The following MYO6 variants were observed in gnomAD, a reference collection of about 807,000 sequenced individuals.
MYO6 encodes the protein myosin VI, also known as unconventional myosin-VI.
A neutral mutation model predicts 178.7 loss-of-function variants in MYO6; 74 were observed. That is an observed-to-expected ratio of 0.41 (90% CI 0.34 to 0.50). The LOEUF (loss-of-function observed/expected upper bound fraction) is 0.50, where lower values mean the gene tolerates loss of function less well. MYO6 is among the 20% of genes least tolerant of loss of function. The pLI, the probability that MYO6 is intolerant of heterozygous loss-of-function variation, is 0.09. For missense variants in MYO6, 1,330 were observed against 1,547.4 expected (o/e 0.86, Z 2.36); for synonymous variants, 477 against 504.6 (o/e 0.95, Z 0.73).
At position 75,822,536 on chromosome 6, in the gene MYO6, C is replaced by CCTAGGATA. The variant is rs1380868605; in HGVS notation, c.118-243_118-236dup. 2.6e-5 allele frequency among the ~76,000 whole-genome samples: 4 copies of CCTAGGATA among 151,826 alleles called. No homozygotes were observed. The East Asian group carries it at 7.7e-4, about 29-fold the overall frequency. ...TTTTGTCCTTCTTTAGGTGTTGGAG[C>CCTAGGATA]CTAGGATACTTACTTACTGATTTTT... is the stretch of plus-strand genomic sequence containing the variant. On this transcript the variant is annotated intron_variant, in intron 2 of 34. Coordinates refer to ENST00000369977, the MANE Select transcript of MYO6 (RefSeq NM_004999.4).
intron 2 of MYO6, among the ~76,000 whole-genome samples, chr6:75,819,763 G>T (rs917687128): frequency 2.0e-5 from 3 of 152,202 alleles, no homozygotes; most frequent in African/African-American, 7.2e-5. Context: ...TTTTAAAAAT[G>T]CTGTTTTAGG....
chr6:75,788,190 C>T (rs746504631), intron 1 of MYO6, among the ~76,000 whole-genome samples: 4 of 152,000 alleles, frequency 2.6e-5, no homozygotes, highest in Non-Finnish European at 4.4e-5. Context: ...CCAGCCTGGG[C>T]AACATGGTGA....
chr6:75,836,037 C>G (rs575165491), intron 7 of MYO6, 81 bp downstream of exon 7: 2 of 933,808 alleles, frequency 2.1e-6, no homozygotes, highest in African/African-American at 3.2e-5. Flanking sequence ...ATGTTCTTCT[C>G]TCAGAGATGC....
intron 1 of MYO6, among the ~76,000 whole-genome samples, chr6:75,816,669 G>C (rs921871986): frequency 6.6e-6 from 1 of 152,212 alleles, no homozygotes; most frequent in African/African-American, 2.4e-5. Context: ...AGCTTCGGGA[G>C]CACATCAGTC....
intron 4 of MYO6, 103 bp from the exon 5 acceptor site, chr6:75,830,313 A>T: frequency 9.3e-7 from 1 of 1,070,792 alleles, no homozygotes; most frequent in Non-Finnish European, 1.4e-6. Context: ...TTAGTTATAT[A>T]GATAATTGAA....
At chr6:75,910,026 G>A (rs1780641392) in intron 32 of MYO6, among the ~76,000 whole-genome samples, 1 of 152,152 alleles carries the variant, frequency 6.6e-6, no homozygotes, top group Non-Finnish European at 1.5e-5. Context: ...CAGAATACAG[G>A]ACTATGCAAG....
At chr6:75,836,942 C>G (rs550711276) in intron 7 of MYO6, among the ~76,000 whole-genome samples, 5 of 152,252 alleles carry the variant, frequency 3.3e-5, no homozygotes, top group East Asian at 3.9e-4. Flanking sequence ...AACATCATGC[C>G]CTAGATTCAT....
At chr6:75,873,323 T>G in intron 20 of MYO6, 23 bp downstream of exon 20, 1 of 1,528,538 alleles carries the variant, frequency 6.5e-7, no homozygotes, top group Non-Finnish European at 9.1e-7. Context: ...TCTCTGTCAG[T>G]GTGTGTTAGT....
intron 10 of MYO6, among the ~76,000 whole-genome samples, chr6:75,845,715 T>C (rs1486318733): frequency 6.6e-6 from 1 of 151,332 alleles, no homozygotes; most frequent in African/African-American, 2.4e-5. Flanking sequence ...TCAGGTGGAG[T>C]GGGTCACGCT....
rs151305739 is a variant in MYO6, at chr6:75,851,005, C to T, written c.1078+2474C>T. ...GTTTTGAAAATGTAATGAATGTTAG[C>T]ATACATTTCATTTGCTCTCTAGCAT... On this transcript the variant is annotated intron_variant, in intron 11 of 34. Coordinates refer to ENST00000369977, the MANE Select transcript of MYO6 (RefSeq NM_004999.4). Among the ~76,000 whole-genome samples the T allele has an allele frequency of 2.2e-4, 34 of 151,888 alleles. No homozygotes were observed. The East Asian group carries it at 5.2e-3, about 23-fold the overall frequency.
At chr6:75,808,422 T>G (rs1243948299) in intron 1 of MYO6, among the ~76,000 whole-genome samples, 2 of 152,160 alleles carry the variant, frequency 1.3e-5, no homozygotes, top group African/African-American at 4.8e-5. Context: ...CCTATCTGAT[T>G]AGAACCCTAC....
intron 1 of MYO6, among the ~76,000 whole-genome samples, chr6:75,757,373 GTA>G (rs1006936606): frequency 3.4e-5 from 5 of 146,722 alleles, no homozygotes; most frequent in Admixed American, 6.8e-5. Context: ...GTGTGTGTGT[GTA>G]TATATATGTA....
At chr6:75,792,068 G>A (rs1768308607) in intron 1 of MYO6, among the ~76,000 whole-genome samples, 1 of 152,184 alleles carries the variant, frequency 6.6e-6, no homozygotes, top group Admixed American at 6.5e-5. Context: ...CTATGGATGA[G>A]TCACTTAAAT....
rs934450628 is a variant in MYO6 at position 75,901,453 on chromosome 6, TG to T, written c.3176+3044del. ...GAGGTCCTTCACATCCCTTGTAAGT[TG>T]GATTCCTAGGTATTTTATTCTCTTT... On this transcript the variant is annotated intron_variant, in intron 30 of 34. Coordinates refer to ENST00000369977, the MANE Select transcript of MYO6 (RefSeq NM_004999.4). Among the ~76,000 whole-genome samples the T allele has an allele frequency of 2.5e-4, 38 of 152,310 alleles. No homozygotes were observed. The Middle Eastern group carries it at 0.01, about 41-fold the overall frequency.
Position 75,828,054 on chromosome 6 carries a change from C to CA in MYO6, c.188-485dup, listed in dbSNP as rs538189766. 8.7e-3 allele frequency among the ~76,000 whole-genome samples: 1,326 copies of CA among 152,290 alleles called. 10 individuals carry two copies. Among genetic ancestry groups the CA allele is most frequent in the Non-Finnish European group, 0.012 (824 of 68,012 alleles). ...GCTTCATATTCTCAGTTAAGACATACATAATTTCTCTAGGAGTCTTCATTA... is the reference window on the plus strand; with the variant it reads ...GCTTCATATTCTCAGTTAAGACATACAATAATTTCTCTAGGAGTCTTCATTA... On this transcript the variant is annotated intron_variant, in intron 3 of 34. Coordinates refer to ENST00000369977, the MANE Select transcript of MYO6 (RefSeq NM_004999.4).
chr6:75,787,685 T>C (rs1281522041), intron 1 of MYO6, among the ~76,000 whole-genome samples: 8 of 14,880 alleles, frequency 5.4e-4, no homozygotes, highest in Admixed American at 1.0e-3. Flanking sequence ...ATTCTCTCTC[T>C]CTCTCTCTCT....
At chr6:75,908,158 A>C (rs973976480) in intron 31 of MYO6, among the ~76,000 whole-genome samples, 3 of 152,180 alleles carry the variant, frequency 2.0e-5, no homozygotes, top group African/African-American at 7.2e-5. Context: ...TTTGTATTTT[A>C]TCACAGTGAC....
chr6:75,777,010 G>A (rs1766459544), intron 1 of MYO6, among the ~76,000 whole-genome samples: 1 of 152,068 alleles, frequency 6.6e-6, no homozygotes. Context: ...TTAATCGATA[G>A]GTATTCAGAT....
intron 25 of MYO6, 48 bp downstream of exon 25, chr6:75,887,042 A>G (rs1158652518): frequency 1.9e-6 from 3 of 1,538,912 alleles, no homozygotes; most frequent in Non-Finnish European, 1.8e-6. Flanking sequence ...GTAATTTAAT[A>G]TATTTTGTTA....
Sources: allele counts gnomAD v4.1 joint callset (sites outside exome capture counted in the v4.1 genomes callset), GRCh38; gene constraint gnomAD v4.1.1; transcripts MANE v1.5; gene names NCBI Gene and HGNC (gene_info 2026-07-23, HGNC 2026-07-21).